The following CATSPERT variants were observed in gnomAD, a reference collection of about 807,000 sequenced individuals.
CATSPERT encodes the protein catsper channel auxiliary subunit tau.
the CATSPERT span, among the ~76,000 whole-genome samples, chr2:201,512,462 G>C: frequency 6.6e-6 from 1 of 151,866 alleles, no homozygotes; most frequent in African/African-American, 2.4e-5. Flanking sequence ...CCCTATTAAT[G>C]TCTGGTAACC....
chr2:201,618,853 TG>T, the CATSPERT span: 6 of 1,588,080 alleles, frequency 3.8e-6, no homozygotes, highest in African/African-American at 4.0e-5. Context: ...CCAGGTGCCC[TG>T]CTGGCCCCGG....
chr2:201,614,258 C>T, the CATSPERT span, among the ~76,000 whole-genome samples: 1 of 152,154 alleles, frequency 6.6e-6, no homozygotes, highest in African/African-American at 2.4e-5. Context: ...ACATAATTGT[C>T]AGATTCACCA....
chr2:201,532,664 A>C, the CATSPERT span, among the ~76,000 whole-genome samples: 1 of 152,196 alleles, frequency 6.6e-6, no homozygotes. Flanking sequence ...GAGACAATTG[A>C]GACCTCCCCA....
chr2:201,574,373 G>C, the CATSPERT span: 1 of 1,025,018 alleles, frequency 9.8e-7, no homozygotes, highest in Non-Finnish European at 1.4e-6. Flanking sequence ...CTGTAAGTTA[G>C]AAAAGCCAAA....
At chr2:201,617,890 TG>T in the CATSPERT span, among the ~76,000 whole-genome samples, 2 of 152,050 alleles carry the variant, frequency 1.3e-5, no homozygotes, top group South Asian at 2.1e-4. Context: ...CATCAAAAAG[TG>T]GGCAAAGTAT....
At chr2:201,572,032 G>T in the CATSPERT span, 11 of 1,583,076 alleles carry the variant, frequency 6.9e-6, no homozygotes, top group South Asian at 1.1e-5. Context: ...TGAAAAAAAT[G>T]TAAGTGTATT....
the CATSPERT span, among the ~76,000 whole-genome samples, chr2:201,596,255 TG>T: frequency 6.6e-6 from 1 of 151,824 alleles, no homozygotes; most frequent in Non-Finnish European, 1.5e-5. Context: ...ATAAAAAAGA[TG>T]GAGATCATAT....
At chr2:201,535,097 C>T in the CATSPERT span, 1 of 963,854 alleles carries the variant, frequency 1.0e-6, no homozygotes, top group African/African-American at 1.8e-5. Context: ...GCATTACTTT[C>T]ACATTCAGAA....
chr2:201,492,063 A>T, the CATSPERT span: 1 of 1,530,038 alleles, frequency 6.5e-7, no homozygotes, highest in Non-Finnish European at 8.7e-7. Flanking sequence ...TTAAAGATGA[A>T]TTTCCCTTTA....
At chr2:201,552,079 T>A in the CATSPERT span, among the ~76,000 whole-genome samples, 8 of 151,504 alleles carry the variant, frequency 5.3e-5, no homozygotes, top group East Asian at 1.4e-3. Context: ...TGATCTCGGC[T>A]CCACCCCCCA....
At chr2:201,572,866 A>C in the CATSPERT span, among the ~76,000 whole-genome samples, 1 of 152,224 alleles carries the variant, frequency 6.6e-6, no homozygotes, top group Admixed American at 6.5e-5. Flanking sequence ...CACAATTTTA[A>C]AACATATTAC....
the CATSPERT span, chr2:201,601,842 A>G: frequency 6.2e-7 from 1 of 1,607,892 alleles, no homozygotes; most frequent in Admixed American, 1.7e-5. Flanking sequence ...AGCTTTGTTT[A>G]TAGAGATGCG....
At chr2:201,510,822 T>C in the CATSPERT span, among the ~76,000 whole-genome samples, 3 of 152,126 alleles carry the variant, frequency 2.0e-5, no homozygotes, top group Non-Finnish European at 4.4e-5. Context: ...AAACAAGATA[T>C]AAACCAACAG....
At chr2:201,487,740 G>A in the CATSPERT span, 860 of 1,614,012 alleles carry the variant, frequency 5.3e-4, 1 homozygote, top group Middle Eastern at 3.6e-3. Flanking sequence ...TAGCTTTCTC[G>A]TTGCTTGTTA....
chr2:201,551,178 G>A, the CATSPERT span: 2 of 152,134 alleles, frequency 1.3e-5, no homozygotes, highest in African/African-American at 2.4e-5. Flanking sequence ...GCATAGCCTA[G>A]AAATATTTTT....
the CATSPERT span, among the ~76,000 whole-genome samples, chr2:201,601,273 AGTGTGTGTGT>A: frequency 4.5e-4 from 19 of 41,804 alleles, no homozygotes; most frequent in African/African-American, 1.1e-3. Flanking sequence ...TAAGGATGAT[AGTGTGTGTGT>A]GTGTGTGTGT....
At chr2:201,601,649 C>T in the CATSPERT span, 45 of 1,256,312 alleles carry the variant, frequency 3.6e-5, no homozygotes, top group African/African-American at 6.4e-4. Flanking sequence ...TGTTTCTTTT[C>T]TACTCATTTT....
the CATSPERT span, among the ~76,000 whole-genome samples, chr2:201,575,111 A>G: frequency 4.6e-5 from 7 of 151,614 alleles, no homozygotes; most frequent in Non-Finnish European, 8.8e-5. Context: ...TTTGTTAGTT[A>G]ATATTGTACT....
the CATSPERT span, among the ~76,000 whole-genome samples, chr2:201,580,574 T>C: frequency 6.6e-6 from 1 of 152,366 alleles, no homozygotes; most frequent in Middle Eastern, 3.4e-3. Context: ...CGAATTTTCC[T>C]TTATTCAGAA....
Sources: allele counts gnomAD v4.1 joint callset (sites outside exome capture counted in the v4.1 genomes callset), GRCh38; gene constraint gnomAD v4.1.1; transcripts MANE v1.5; gene names NCBI Gene and HGNC (gene_info 2026-07-23, HGNC 2026-07-21).